MYCT1: variants seen among roughly 807,000 people sequenced by gnomAD.
MYCT1 encodes myc target protein 1.
MYCT1 carries 12 observed loss-of-function variants against 15.0 expected under a neutral mutation model. The ratio of observed to expected loss-of-function variants is 0.80; its 90% CI spans 0.51 to 1.29. The LOEUF (loss-of-function observed/expected upper bound fraction) is 1.29, where lower values mean the gene tolerates loss of function less well. Among genes scored for constraint, MYCT1 ranks in the 50% most tolerant of loss-of-function variants. The pLI is 0.00. For missense variants in MYCT1, 287 were observed against 279.1 expected (o/e 1.03, Z -0.20); for synonymous variants, 104 against 102.7 (o/e 1.01, Z -0.07).
chr6:152,731,530 C>A, the MYCT1 span, among the ~76,000 whole-genome samples: 34 of 152,264 alleles, frequency 2.2e-4, no homozygotes, highest in Non-Finnish European at 5.9e-5. Flanking sequence ...CTCCCGCTAT[C>A]CCACGACAGG....
At chr6:152,744,647 C>T in the MYCT1 span, among the ~76,000 whole-genome samples, 2 of 152,046 alleles carry the variant, frequency 1.3e-5, no homozygotes, top group Non-Finnish European at 2.9e-5. Flanking sequence ...CAAGCCATGG[C>T]CTAGGGGAAT....
At chr6:152,730,956 C>A in the MYCT1 span, among the ~76,000 whole-genome samples, 1 of 151,702 alleles carries the variant, frequency 6.6e-6, no homozygotes, top group East Asian at 1.9e-4. Flanking sequence ...GGCATGTAGA[C>A]AAATAAAGCA....
At chr6:152,742,258 C>T in the MYCT1 span, among the ~76,000 whole-genome samples, 1 of 152,076 alleles carries the variant, frequency 6.6e-6, no homozygotes, top group Non-Finnish European at 1.5e-5. Context: ...GGGTTACAGT[C>T]TTTCTGGAAA....
chr6:152,742,972 T>A, the MYCT1 span, among the ~76,000 whole-genome samples: 2 of 152,224 alleles, frequency 1.3e-5, no homozygotes, highest in Non-Finnish European at 2.9e-5. Flanking sequence ...GCCTTCTCTA[T>A]CTAATACTTA....
downstream of MYCT1, among the ~76,000 whole-genome samples, chr6:152,726,677 C>T (rs1486342239): frequency 6.6e-6 from 1 of 152,076 alleles, no homozygotes; most frequent in East Asian, 1.9e-4. Flanking sequence ...ATCTTTGACC[C>T]GTATCTAGCA....
chr6:152,721,392 C>A (rs1010317337), intron 1 of MYCT1, among the ~76,000 whole-genome samples: 1 of 152,164 alleles, frequency 6.6e-6, no homozygotes, highest in African/African-American at 2.4e-5. Flanking sequence ...AGGAAATCAA[C>A]TTTGGGCTAC....
the MYCT1 span, among the ~76,000 whole-genome samples, chr6:152,737,674 G>T: frequency 2.0e-5 from 3 of 152,046 alleles, no homozygotes; most frequent in Non-Finnish European, 2.9e-5. Flanking sequence ...AGTCATAAAA[G>T]AACAAGTTAT....
the MYCT1 span, among the ~76,000 whole-genome samples, chr6:152,730,639 T>C: frequency 6.6e-6 from 1 of 152,208 alleles, no homozygotes; most frequent in South Asian, 2.1e-4. Flanking sequence ...TTTGGTTACA[T>C]TGGTCCCTGC....
chr6:152,707,690 G>T (rs1026462833), intron 1 of MYCT1, among the ~76,000 whole-genome samples: 36 of 151,764 alleles, frequency 2.4e-4, no homozygotes, highest in Admixed American at 1.7e-3. Flanking sequence ...TGAGATAAGG[G>T]TCCAGTTTTA....
the MYCT1 span, among the ~76,000 whole-genome samples, chr6:152,738,651 G>A: frequency 6.6e-6 from 1 of 152,036 alleles, no homozygotes; most frequent in African/African-American, 2.4e-5. Context: ...GATCAAATGA[G>A]ATAATGCAAA....
chr6:152,707,691 TC>T (rs1356679189), intron 1 of MYCT1, among the ~76,000 whole-genome samples: 1 of 151,990 alleles, frequency 6.6e-6, no homozygotes, highest in African/African-American at 2.4e-5. Flanking sequence ...GAGATAAGGG[TC>T]CAGTTTTATT....
intron 1 of MYCT1, among the ~76,000 whole-genome samples, chr6:152,717,338 T>C (rs963830067): frequency 6.6e-6 from 1 of 152,236 alleles, no homozygotes; most frequent in Non-Finnish European, 1.5e-5. Flanking sequence ...GAAATTCTTC[T>C]GTCAGCAGTA....
the MYCT1 span, among the ~76,000 whole-genome samples, chr6:152,736,434 A>G: frequency 4.6e-5 from 7 of 152,144 alleles, no homozygotes; most frequent in Non-Finnish European, 7.4e-5. Context: ...ATGAGGCAGG[A>G]TTCACTTCCG....
At chr6:152,704,599 C>T (rs757885788) in intron 1 of MYCT1, among the ~76,000 whole-genome samples, 29 of 151,978 alleles carry the variant, frequency 1.9e-4, no homozygotes, top group Non-Finnish European at 4.1e-4. Context: ...TTTCTTTGTG[C>T]AAGAACATTC....
downstream of MYCT1, among the ~76,000 whole-genome samples, chr6:152,729,435 AC>A (rs199827749): frequency 3.0e-3 from 460 of 152,274 alleles, 2 homozygotes; most frequent in African/African-American, 0.01. Flanking sequence ...AAACATAAAC[AC>A]CTAAGTCTGT....
the MYCT1 span, among the ~76,000 whole-genome samples, chr6:152,735,026 T>C: frequency 6.6e-6 from 1 of 152,324 alleles, no homozygotes; most frequent in African/African-American, 2.4e-5. Flanking sequence ...GCTTATGAGG[T>C]AATGCTGCTG....
the MYCT1 span, among the ~76,000 whole-genome samples, chr6:152,729,857 T>G: frequency 6.6e-6 from 1 of 152,170 alleles, no homozygotes; most frequent in South Asian, 2.1e-4. Context: ...CTTGGGTAGA[T>G]CCAGTGGCCT....
chr6:152,707,409 C>T (rs938133525), intron 1 of MYCT1, among the ~76,000 whole-genome samples: 2 of 151,998 alleles, frequency 1.3e-5, no homozygotes, highest in African/African-American at 4.8e-5. Flanking sequence ...ATGTTAACTT[C>T]TCATCAGATA....
the MYCT1 span, among the ~76,000 whole-genome samples, chr6:152,732,730 G>A: frequency 6.6e-6 from 1 of 152,218 alleles, no homozygotes; most frequent in Non-Finnish European, 1.5e-5. Flanking sequence ...GGCAGAGGAA[G>A]ATTTGGCACA....
Sources: gnomAD v4.1 joint callset for allele counts (sites outside exome capture counted in the v4.1 genomes callset) on GRCh38, gnomAD v4.1.1 for gene constraint, MANE v1.5 for transcripts, NCBI Gene and HGNC (gene_info 2026-07-23, HGNC 2026-07-21) for gene names.